The following SND1 variants were observed in gnomAD, a reference collection of about 807,000 sequenced individuals.
The protein encoded by SND1 is staphylococcal nuclease and tudor domain containing 1.
Under a neutral mutation model 121.7 loss-of-function variants are expected in SND1, and 38 were observed. That is an observed-to-expected ratio of 0.31 (90% confidence interval 0.24 to 0.41). The LOEUF is 0.41. SND1 is among the 10% of genes least tolerant of loss of function. The pLI, the probability that SND1 is intolerant of heterozygous loss-of-function variation, is 1.00. For missense variants in SND1, 868 were observed against 1,184.6 expected (o/e 0.73, Z 3.92); for synonymous variants, 401 against 447.4 (o/e 0.90, Z 1.31).
At chr7:128,028,777 T>C in intron 16 of SND1, 1 of 1,614,120 alleles carries the variant, frequency 6.2e-7, no homozygotes, top group Non-Finnish European at 8.5e-7. Context: ...TTCCCCAGGC[T>C]GTTTTCTGTC....
intron 4 of SND1, among the ~76,000 whole-genome samples, chr7:127,700,225 T>A (rs548562517): frequency 6.6e-6 from 1 of 152,252 alleles, no homozygotes; most frequent in African/African-American, 2.4e-5. Context: ...AAAATTGTTT[T>A]GACTTCAAGT....
intron 15 of SND1, among the ~76,000 whole-genome samples, chr7:127,938,603 C>T (rs2116834771): frequency 6.6e-6 from 1 of 152,288 alleles, no homozygotes; most frequent in Non-Finnish European, 1.5e-5. Context: ...AGAAGTTGGC[C>T]TGTATCAGAT....
At chr7:127,769,411 T>A (rs1196294013) in intron 10 of SND1, among the ~76,000 whole-genome samples, 1 of 152,230 alleles carries the variant, frequency 6.6e-6, no homozygotes, top group Non-Finnish European at 1.5e-5. Flanking sequence ...TTTGTGCTAT[T>A]ACTTGGTGAT....
intron 16 of SND1, among the ~76,000 whole-genome samples, chr7:128,053,682 A>T (rs1793086849): frequency 6.6e-6 from 1 of 151,856 alleles, no homozygotes; most frequent in Non-Finnish European, 1.5e-5. Context: ...CAAGCAGAGG[A>T]TGGGGATCCT....
chr7:127,681,784 AG>A (rs1795732401), intron 1 of SND1, among the ~76,000 whole-genome samples: 1 of 152,182 alleles, frequency 6.6e-6, no homozygotes, highest in South Asian at 2.1e-4. Context: ...GTTCAAAGTC[AG>A]TGGGCCATAA....
At chr7:128,071,942 T>C (rs1004245170) in intron 16 of SND1, among the ~76,000 whole-genome samples, 1 of 152,198 alleles carries the variant, frequency 6.6e-6, no homozygotes. Context: ...AAGCCCAAGT[T>C]AGCATATCGA....
rs538568525 is a variant in SND1 at position 128,074,564 on chromosome 7, C to T, written c.1842C>T (p.Asp614=). The T allele has an allele frequency of 2.0e-4, 327 of 1,613,552 alleles. 2 individuals carry two copies. The South Asian group carries it at 3.1e-3, about 15-fold the overall frequency. ...AGNFIGWLHI[D]GANLSVLLVE... ...ACTTTATCGGCTGGCTGCACATCGA[C>T]GGTGCCAACCTGTCCGTCCTGCTGG... The change falls in exon 17 of 24, where the codon GAC becomes GAT. Residue 614 remains aspartate, a synonymous_variant. Transcript: ENST00000354725.
chr7:128,030,788 G>A, intron 16 of SND1: 7 of 1,047,818 alleles, frequency 6.7e-6, no homozygotes, highest in Non-Finnish European at 9.3e-6. Context: ...GGAGCGGATC[G>A]GCCGAAAAAA....
In SND1 at chr7:127,992,566, G is replaced by A. The variant is rs181765565; in HGVS notation, c.1779+1510G>A. On this transcript the variant is annotated intron_variant, in intron 16 of 23. Coordinates refer to ENST00000354725, the MANE Select transcript of SND1 (RefSeq NM_014390.4). ...TTTGTTTGTTGTGCTTTGGATGGAG[G>A]AAGGAAATCCCTTCATTAGATTGCC... 2.0e-5 allele frequency among the ~76,000 whole-genome samples: 3 copies of A among 152,304 alleles called. No homozygotes were observed. In the East Asian group the frequency reaches 5.8e-4, roughly 29 times the overall value.
At chr7:128,014,092 A>G (rs887966618) in intron 16 of SND1, among the ~76,000 whole-genome samples, 2 of 152,192 alleles carry the variant, frequency 1.3e-5, no homozygotes, top group Admixed American at 6.5e-5. Flanking sequence ...CAGGGCAGTC[A>G]GTCAATTAAC....
intron 16 of SND1, among the ~76,000 whole-genome samples, chr7:128,008,973 G>T (rs1393015085): frequency 1.3e-5 from 2 of 152,098 alleles, no homozygotes; most frequent in African/African-American, 4.8e-5. Context: ...AAACACAGAG[G>T]TTTATCTGCT....
At chr7:127,862,427 TTC>T (rs199791082) in intron 12 of SND1, among the ~76,000 whole-genome samples, 1,982 of 152,300 alleles carry the variant, frequency 0.013, 27 homozygotes, top group South Asian at 0.047. Context: ...AAGTTACCCA[TTC>T]TCTCTTTCCC....
chr7:128,063,330 CA>C (rs1793262237), intron 16 of SND1, among the ~76,000 whole-genome samples: 1 of 152,230 alleles, frequency 6.6e-6, no homozygotes, highest in Non-Finnish European at 1.5e-5. Flanking sequence ...AAGTGCAAAA[CA>C]GCCCCTTCTG....
chr7:127,669,548 G>A (rs946509231), intron 1 of SND1, among the ~76,000 whole-genome samples: 6 of 152,104 alleles, frequency 3.9e-5, no homozygotes, highest in East Asian at 1.9e-4. Context: ...CTTGGTGTCC[G>A]AGCAAATTCT....
chr7:127,802,997 C>T (rs545364352), intron 10 of SND1, among the ~76,000 whole-genome samples: 1 of 152,298 alleles, frequency 6.6e-6, no homozygotes. Context: ...GCCCAGATTA[C>T]TATCATAATC....
chr7:128,087,609 GAGA>G (rs1793707708), intron 21 of SND1, among the ~76,000 whole-genome samples: 1 of 150,028 alleles, frequency 6.7e-6, no homozygotes, highest in Non-Finnish European at 1.5e-5. Context: ...CAAGAAGAAT[GAGA>G]AGGAGCGAAT....
At chr7:127,924,157 GC>G (rs1800784206) in intron 14 of SND1, among the ~76,000 whole-genome samples, 3 of 152,028 alleles carry the variant, frequency 2.0e-5, no homozygotes, top group Admixed American at 6.5e-5. Flanking sequence ...CCTGGGATGG[GC>G]AGTAGAGCAT....
intron 12 of SND1, among the ~76,000 whole-genome samples, chr7:127,885,084 C>T (rs1259889209): frequency 6.6e-6 from 1 of 152,116 alleles, no homozygotes; most frequent in East Asian, 1.9e-4. Context: ...TCCTTACCTT[C>T]CTATGGGGCT....
intron 10 of SND1, among the ~76,000 whole-genome samples, chr7:127,792,570 A>G (rs538586583): frequency 6.6e-6 from 1 of 152,282 alleles, no homozygotes; most frequent in Admixed American, 6.5e-5. Flanking sequence ...CCTACCCTCT[A>G]AGGTTGGGGG....
Sources: gnomAD v4.1 joint callset for allele counts (sites outside exome capture counted in the v4.1 genomes callset) on GRCh38, gnomAD v4.1.1 for gene constraint, MANE v1.5 for transcripts, NCBI Gene and HGNC (gene_info 2026-07-23, HGNC 2026-07-21) for gene names.